Variants in SGCZ observed in about 807,000 individuals in gnomAD.
The protein encoded by SGCZ is sarcoglycan zeta, also known as zeta-sarcoglycan.
In SGCZ, 40 loss-of-function variants were observed where a neutral mutation model predicts 41.3. That is an observed-to-expected ratio of 0.97 (90% CI 0.75 to 1.26). The LOEUF is 1.26. Among genes scored for constraint, SGCZ ranks in the 50% most tolerant of loss-of-function variants. The probability of loss-of-function intolerance (pLI) is 0.00; values close to 1 mark genes in which losing one functional copy is unlikely to be tolerated. For missense variants in SGCZ, 552 were observed against 369.8 expected (o/e 1.49, Z -4.04); for synonymous variants, 206 against 137.5 (o/e 1.50, Z -3.49).
At chr8:15,219,058 C>T (rs1801506134) in intron 1 of SGCZ, among the ~76,000 whole-genome samples, 1 of 152,160 alleles carries the variant, frequency 6.6e-6, no homozygotes, top group African/African-American at 2.4e-5. Context: ...CTGCACTCTC[C>T]ACGATTAGGA....
chr8:14,704,848 G>A (rs1439046694), intron 1 of SGCZ, among the ~76,000 whole-genome samples: 1 of 151,712 alleles, frequency 6.6e-6, no homozygotes, highest in Non-Finnish European at 1.5e-5. Context: ...TAAATACTGG[G>A]CATCACAAAT....
intron 1 of SGCZ, among the ~76,000 whole-genome samples, chr8:15,236,114 T>C (rs1254976335): frequency 1.3e-5 from 2 of 152,168 alleles, no homozygotes; most frequent in Non-Finnish European, 2.9e-5. Context: ...CCTACTTCCC[T>C]TTGCCCAGGG....
chr8:14,102,315 T>C, intron 7 of SGCZ, 61 bp downstream of exon 7: 1 of 1,338,422 alleles, frequency 7.5e-7, no homozygotes, highest in Non-Finnish European at 9.7e-7. Flanking sequence ...ATAGGACATC[T>C]AAATACTTGT....
At chr8:15,193,491 T>C (rs969789321) in intron 1 of SGCZ, among the ~76,000 whole-genome samples, 1 of 152,014 alleles carries the variant, frequency 6.6e-6, no homozygotes, top group African/African-American at 2.4e-5. Flanking sequence ...TACTGTCAAA[T>C]GGTACTTTGG....
rs371819265 is a variant in SGCZ at position 15,082,711 on chromosome 8, T to C, written c.39+154874A>G. 9.8e-5 allele frequency among the ~76,000 whole-genome samples: 15 copies of C among 152,294 alleles called. No homozygotes were observed. The East Asian group carries it at 2.9e-3, about 29-fold the overall frequency. On this transcript the variant is annotated intron_variant, in intron 1 of 7. Coordinates refer to ENST00000382080, the MANE Select transcript of SGCZ (RefSeq NM_139167.4). ...ACATCTATTATCCCTGAGAGGACCTTTGTTACTTTGAGGTTGTTTTCCTTC... is the reference window on the plus strand; with the variant it reads ...ACATCTATTATCCCTGAGAGGACCTCTGTTACTTTGAGGTTGTTTTCCTTC...
chr8:14,923,890 A>G (rs1320373035), intron 1 of SGCZ, among the ~76,000 whole-genome samples: 1 of 152,234 alleles, frequency 6.6e-6, no homozygotes, highest in Non-Finnish European at 1.5e-5. Context: ...TACGAAGATT[A>G]TTTTGAATGC....
intron 1 of SGCZ, among the ~76,000 whole-genome samples, chr8:14,601,873 C>G (rs1805599093): frequency 6.6e-6 from 1 of 152,188 alleles, no homozygotes; most frequent in South Asian, 2.1e-4. Flanking sequence ...GTAATCCCAG[C>G]ACTTTGGGTG....
At chr8:14,235,594 T>C (rs1806727076) in intron 4 of SGCZ, among the ~76,000 whole-genome samples, 2 of 152,250 alleles carry the variant, frequency 1.3e-5, no homozygotes, top group Admixed American at 6.5e-5. Context: ...GTATTTGCAC[T>C]TCACGTAATC....
chr8:14,718,695 C>A (rs180689477), intron 1 of SGCZ, among the ~76,000 whole-genome samples: 1 of 151,740 alleles, frequency 6.6e-6, no homozygotes, highest in Admixed American at 6.6e-5. Context: ...ATTCAAATGA[C>A]AGTGTTGATG....
At chr8:14,447,620 C>T (rs1800470142) in intron 2 of SGCZ, among the ~76,000 whole-genome samples, 1 of 152,136 alleles carries the variant, frequency 6.6e-6, no homozygotes, top group Non-Finnish European at 1.5e-5. Flanking sequence ...ATAACCTAAA[C>T]ACATACATTC....
chr8:14,172,810 G>C (rs1293811199), intron 4 of SGCZ, among the ~76,000 whole-genome samples: 1 of 152,114 alleles, frequency 6.6e-6, no homozygotes, highest in Admixed American at 6.5e-5. Flanking sequence ...AAAGGGAGCT[G>C]AGCTTACAAG....
intron 1 of SGCZ, among the ~76,000 whole-genome samples, chr8:15,173,418 G>C (rs1477232584): frequency 6.6e-6 from 1 of 152,130 alleles, no homozygotes; most frequent in Non-Finnish European, 1.5e-5. Context: ...GACTAAATGA[G>C]ACAGTTTCTA....
intron 1 of SGCZ, among the ~76,000 whole-genome samples, chr8:15,105,438 G>A (rs1036441015): frequency 7.9e-5 from 12 of 152,080 alleles, no homozygotes; most frequent in Non-Finnish European, 1.5e-4. Flanking sequence ...CTCAGGAAAC[G>A]TACAATCAAG....
At chr8:15,196,099 T>G (rs912717933) in intron 1 of SGCZ, among the ~76,000 whole-genome samples, 3 of 148,682 alleles carry the variant, frequency 2.0e-5, no homozygotes, top group Non-Finnish European at 4.5e-5. Context: ...GGGTTTCACC[T>G]TGTTAGCCAG....
chr8:15,226,540 C>T (rs986433731), intron 1 of SGCZ, among the ~76,000 whole-genome samples: 6 of 152,218 alleles, frequency 3.9e-5, no homozygotes, highest in Admixed American at 2.0e-4. Context: ...TTTGAGGGTG[C>T]CCTTAGGCAT....
At chr8:14,438,668 T>A (rs1800159889) in intron 2 of SGCZ, among the ~76,000 whole-genome samples, 1 of 152,138 alleles carries the variant, frequency 6.6e-6, no homozygotes, top group East Asian at 1.9e-4. Context: ...TAAACCAGTA[T>A]CCCATCAGAT....
intron 1 of SGCZ, among the ~76,000 whole-genome samples, chr8:14,641,354 C>T (rs1322921586): frequency 6.6e-6 from 1 of 151,674 alleles, no homozygotes; most frequent in East Asian, 1.9e-4. Context: ...GCTTCTCATA[C>T]AGTTTATGTT....
At chr8:14,435,867 AGTTTATTGTTATAAATAT>A (rs1411403166) in intron 2 of SGCZ, among the ~76,000 whole-genome samples, 1 of 152,232 alleles carries the variant, frequency 6.6e-6, no homozygotes, top group Non-Finnish European at 1.5e-5. Context: ...AAAAGGCTTC[AGTTTATTGTTATAAATAT>A]GTATCCTGTT....
intron 3 of SGCZ, among the ~76,000 whole-genome samples, chr8:14,293,884 C>A (rs553063271): frequency 2.6e-5 from 4 of 151,812 alleles, no homozygotes; most frequent in Admixed American, 2.6e-4. Flanking sequence ...CATTCAGGAG[C>A]CAAATCTTAA....
Sources: allele counts gnomAD v4.1 joint callset (sites outside exome capture counted in the v4.1 genomes callset), GRCh38; gene constraint gnomAD v4.1.1; transcripts MANE v1.5; gene names NCBI Gene and HGNC (gene_info 2026-07-23, HGNC 2026-07-21).